LINGO2: variants seen among roughly 807,000 people sequenced by gnomAD.
LINGO2 encodes leucine rich repeat and Ig domain containing 2, also known as leucine-rich repeat and immunoglobulin-like domain-containing nogo receptor-interacting protein 2.
A neutral mutation model predicts 30.6 loss-of-function variants in LINGO2; 14 were observed. The observed-to-expected ratio is 0.46, with a 90% CI of 0.30 to 0.72. The LOEUF is 0.72. Among genes scored for constraint, LINGO2 ranks in the 30% least tolerant of loss-of-function variants. The pLI is 0.07. For missense variants in LINGO2, 729 were observed against 751.7 expected (o/e 0.97, Z 0.35); for synonymous variants, 317 against 288.5 (o/e 1.10, Z -1.00).
chr9:28,512,726 A>G (rs1820462476), intron 1 of LINGO2, among the ~76,000 whole-genome samples: 1 of 148,566 alleles, frequency 6.7e-6, no homozygotes, highest in Non-Finnish European at 1.5e-5. Flanking sequence ...TAGTTACACA[A>G]TCACAAGGTC....
chr9:28,516,568 G>A (rs1212817819), intron 1 of LINGO2, among the ~76,000 whole-genome samples: 1 of 152,050 alleles, frequency 6.6e-6, no homozygotes, highest in African/African-American at 2.4e-5. Context: ...TCTGCAACCT[G>A]CTTTTCCAAG....
the LINGO2 span, among the ~76,000 whole-genome samples, chr9:29,001,908 C>T: frequency 1.3e-5 from 2 of 152,134 alleles, no homozygotes; most frequent in South Asian, 2.1e-4. Context: ...TCTGCATTGG[C>T]TCTGAGGATA....
intron 4 of LINGO2, among the ~76,000 whole-genome samples, chr9:28,247,613 G>T (rs190265136): frequency 1.3e-5 from 2 of 152,078 alleles, no homozygotes; most frequent in South Asian, 4.1e-4. Flanking sequence ...GGGACAAAGT[G>T]GGGGAGAGCA....
chr9:29,200,137 A>T, the LINGO2 span, among the ~76,000 whole-genome samples: 1 of 152,214 alleles, frequency 6.6e-6, no homozygotes, highest in African/African-American at 2.4e-5. Context: ...AACCAAAATT[A>T]AAGATAAAAA....
At chr9:28,857,201 C>T in the LINGO2 span, among the ~76,000 whole-genome samples, 1 of 151,812 alleles carries the variant, frequency 6.6e-6, no homozygotes, top group Admixed American at 6.6e-5. Context: ...AGAATTGAAG[C>T]CCTTGGAACA....
intron 1 of LINGO2, among the ~76,000 whole-genome samples, chr9:28,643,130 T>C (rs576656769): frequency 2.0e-5 from 3 of 152,162 alleles, no homozygotes; most frequent in South Asian, 2.1e-4. Context: ...AATCTACAGA[T>C]TTAATGTAAT....
At chr9:28,476,298 CG>C (rs773027533) in intron 1 of LINGO2, among the ~76,000 whole-genome samples, 37 of 152,200 alleles carry the variant, frequency 2.4e-4, no homozygotes, top group Admixed American at 4.6e-4. Context: ...TATTTTGAGA[CG>C]GAGTCTCGCT....
intron 4 of LINGO2, among the ~76,000 whole-genome samples, chr9:28,244,877 C>G (rs1027428240): frequency 6.7e-6 from 1 of 150,006 alleles, no homozygotes; most frequent in African/African-American, 2.4e-5. Flanking sequence ...ACCAGAGGTA[C>G]AAAGAGGAAC....
intron 1 of LINGO2, among the ~76,000 whole-genome samples, chr9:28,501,558 T>TAATGTG (rs2135317029): frequency 6.6e-6 from 1 of 152,258 alleles, no homozygotes; most frequent in Non-Finnish European, 1.5e-5. Context: ...GTGACCACTG[T>TAATGTG]AATGTGAATG....
At chr9:28,237,125 G>GGGA (rs1554691308) in intron 4 of LINGO2, among the ~76,000 whole-genome samples, 6 of 137,140 alleles carry the variant, frequency 4.4e-5, no homozygotes, top group African/African-American at 1.6e-4. Flanking sequence ...TGCGGGGGGG[G>GGGA]GGTAAAGTTA....
chr9:28,552,876 T>A lies in LINGO2; in HGVS notation c.-364-76851A>T, dbSNP rs557502771. On this transcript the variant is annotated intron_variant, in intron 1 of 5. Coordinates refer to ENST00000379992, the Ensembl canonical transcript of LINGO2. ...ATTTTTCCATTTACACTATCTTAGT[T>A]TCCAACATTAAAAAAAAAAAAATCT... 4.6e-5 allele frequency among the ~76,000 whole-genome samples: 7 copies of A among 151,354 alleles called. No homozygotes were observed. In the East Asian group the frequency reaches 9.7e-4, roughly 21 times the overall value.
At chr9:28,480,207 CT>C (rs1042212290) in intron 1 of LINGO2, among the ~76,000 whole-genome samples, 1 of 151,486 alleles carries the variant, frequency 6.6e-6, no homozygotes, top group Admixed American at 6.6e-5. Flanking sequence ...TAGTATGGCT[CT>C]TTTCTAAGAG....
the LINGO2 span, among the ~76,000 whole-genome samples, chr9:28,911,125 T>G: frequency 1.3e-5 from 2 of 151,988 alleles, no homozygotes; most frequent in Admixed American, 6.6e-5. Flanking sequence ...TCTGGGTCGA[T>G]TATGTCAATA....
At chr9:28,796,060 G>A in the LINGO2 span, among the ~76,000 whole-genome samples, 10 of 132,680 alleles carry the variant, frequency 7.5e-5, no homozygotes, top group African/African-American at 2.6e-4. Context: ...ATTCTATAAG[G>A]TAATCAGGAA....
intron 4 of LINGO2, among the ~76,000 whole-genome samples, chr9:28,094,513 A>G (rs1342503687): frequency 6.6e-6 from 1 of 150,482 alleles, no homozygotes; most frequent in Non-Finnish European, 1.5e-5. Context: ...GAAAGGGGAT[A>G]TGTGTGTGTG....
the LINGO2 span, among the ~76,000 whole-genome samples, chr9:29,174,443 T>C: frequency 2.6e-5 from 4 of 152,326 alleles, no homozygotes; most frequent in Non-Finnish European, 5.9e-5. Context: ...GTTATGTCTA[T>C]AGAAAAATAT....
intron 1 of LINGO2, among the ~76,000 whole-genome samples, chr9:28,489,108 T>C (rs1480144191): frequency 6.6e-6 from 1 of 152,232 alleles, no homozygotes; most frequent in African/African-American, 2.4e-5. Flanking sequence ...GGAATTCCTC[T>C]ACTCACTTCT....
At chr9:28,794,459 TGAG>T in the LINGO2 span, among the ~76,000 whole-genome samples, 2 of 152,188 alleles carry the variant, frequency 1.3e-5, no homozygotes, top group Non-Finnish European at 1.5e-5. Context: ...CAAGCAAGGA[TGAG>T]GTTTCCTGAG....
chr9:29,144,282 T>A, the LINGO2 span, among the ~76,000 whole-genome samples: 1 of 152,070 alleles, frequency 6.6e-6, no homozygotes, highest in African/African-American at 2.4e-5. Context: ...ATAGCTTTTT[T>A]AAAATTCTGT....
Sources: allele counts gnomAD v4.1 joint callset (sites outside exome capture counted in the v4.1 genomes callset), GRCh38; gene constraint gnomAD v4.1.1; transcripts MANE v1.5; gene names NCBI Gene and HGNC (gene_info 2026-07-23, HGNC 2026-07-21).